SULF1: variants seen among roughly 807,000 people sequenced by gnomAD.
SULF1 encodes the protein sulfatase 1.
Under a neutral mutation model 110.5 loss-of-function variants are expected in SULF1, and 46 were observed. The ratio of observed to expected loss-of-function variants is 0.42; its 90% CI spans 0.33 to 0.53. The LOEUF is 0.53. SULF1 is among the 20% of genes least tolerant of loss of function. The pLI is 0.12. For synonymous variants in SULF1, 371 were observed against 387.1 expected (o/e 0.96, Z 0.49); for missense variants, 941 against 1,094.2 (o/e 0.86, Z 1.98).
At chr8:69,500,440 C>T (rs889220638) in intron 2 of SULF1, among the ~76,000 whole-genome samples, 4 of 152,196 alleles carry the variant, frequency 2.6e-5, no homozygotes, top group African/African-American at 7.2e-5. Context: ...GACTCAGCTG[C>T]CCGGTAGCAT....
chr8:69,623,740 C>G (rs1014682349), intron 14 of SULF1, among the ~76,000 whole-genome samples: 5 of 100,240 alleles, frequency 5.0e-5, no homozygotes, highest in African/African-American at 1.4e-4. Context: ...GGCAATGGCA[C>G]TGCCAGGCAA....
At chr8:69,470,753 T>A (rs1457460565) in intron 1 of SULF1, among the ~76,000 whole-genome samples, 1 of 152,154 alleles carries the variant, frequency 6.6e-6, no homozygotes, top group Non-Finnish European at 1.5e-5. Flanking sequence ...TAAAATGAAT[T>A]TCAGTCCTAT....
At chr8:69,525,733 A>T (rs1020657083) in intron 3 of SULF1, among the ~76,000 whole-genome samples, 4 of 152,140 alleles carry the variant, frequency 2.6e-5, no homozygotes, top group Non-Finnish European at 5.9e-5. Flanking sequence ...CATGTGCAGG[A>T]TATTGTCTAG....
chr8:69,646,938 A>ATTTTTTTTTTTTTTTTTTTTT (rs532105097), intron 22 of SULF1, among the ~76,000 whole-genome samples: 1 of 97,740 alleles, frequency 1.0e-5, no homozygotes. Flanking sequence ...GAGCCCTGGA[A>ATTTTTTTTTTTTTTTTTTTTT]TTTTTTTTTT....
rs1078494 is a variant in SULF1, at chr8:69,600,458, T to G, written c.735-145T>G. On this transcript the variant is annotated intron_variant, in intron 8 of 22. Coordinates refer to ENST00000402687, the MANE Select transcript of SULF1 (RefSeq NM_001128205.2). ...GGTGAAGACTTCATCTTCTTATAAATGCAAACAGAAGATAGTTGGAAGAGG... is the reference window on the plus strand; with the variant it reads ...GGTGAAGACTTCATCTTCTTATAAAGGCAAACAGAAGATAGTTGGAAGAGG... 163,240 of 710,050 alleles carry G rather than the reference T, an allele frequency of 0.23. 21,676 individuals carry two copies. The highest frequency in any genetic ancestry group is 0.45 in the African/African-American group (25,165 of 56,372). The allele number at this position is 710,050 out of a possible 1,614,324, so 44.0% of individuals were successfully genotyped here. A position where few individuals can be genotyped will look rare whatever the true frequency, so the allele number is the denominator to read the frequency against.
intron 1 of SULF1, among the ~76,000 whole-genome samples, chr8:69,475,647 G>A (rs1809272099): frequency 6.6e-6 from 1 of 152,102 alleles, no homozygotes; most frequent in South Asian, 2.1e-4. Context: ...TTCCCAAAGT[G>A]ACAATGGTCA....
upstream of SULF1, among the ~76,000 whole-genome samples, chr8:69,492,299 C>T (rs376793163): frequency 1.1e-4 from 17 of 151,946 alleles, no homozygotes; most frequent in African/African-American, 4.1e-4. Context: ...CCGTTTATTG[C>T]TCCCACAGAG....
At chr8:69,469,948 A>G (rs2150528589) in intron 1 of SULF1, among the ~76,000 whole-genome samples, 1 of 152,332 alleles carries the variant, frequency 6.6e-6, no homozygotes, top group East Asian at 1.9e-4. Flanking sequence ...AGTCTGAGGC[A>G]GGAGAATTGC....
chr8:69,538,275 C>CTTTTTTT (rs33972358), intron 3 of SULF1, among the ~76,000 whole-genome samples: 4,398 of 130,892 alleles, frequency 0.034, 346 homozygotes, highest in African/African-American at 0.096. Flanking sequence ...TTTCTGTTGC[C>CTTTTTTT]TTTTTTTTTT....
intron 22 of SULF1, chr8:69,641,087 T>C: frequency 2.6e-6 from 1 of 379,840 alleles, no homozygotes; most frequent in Non-Finnish European, 4.7e-6. Context: ...TGTTTGCTTG[T>C]TGGATGATGC....
At chr8:69,568,058 T>C (rs1160060424) in intron 5 of SULF1, among the ~76,000 whole-genome samples, 1 of 152,228 alleles carries the variant, frequency 6.6e-6, no homozygotes, top group Non-Finnish European at 1.5e-5. Context: ...TGTTATCTCA[T>C]TGTCACTTTG....
intron 3 of SULF1, among the ~76,000 whole-genome samples, chr8:69,519,560 C>T (rs1228957553): frequency 1.3e-5 from 2 of 151,976 alleles, no homozygotes; most frequent in African/African-American, 4.8e-5. Flanking sequence ...ATGCCAGTGT[C>T]CAGAAGCAAA....
At position 69,601,665 on chromosome 8, in the gene SULF1, G is replaced by A; in HGVS notation, c.897G>A (p.Met299Ile). ...VDDSVERLYNMLVETGELENT... is the reference protein window; with the variant it reads ...VDDSVERLYNILVETGELENT... ...TTGCTGTATTTCAGCTGTATAACAT[G>A]CTCGTGGAGACGGGGGAGCTGGAGA... The change falls in exon 10 of 23, where the codon ATG becomes ATA. Residue 299 changes from methionine (M) to isoleucine (I), a missense_variant. This residue lies in a region of SULF1 where 822 missense variants were observed against 934.3 expected (regional missense o/e 0.88). Transcript: ENST00000402687. 1 of 1,610,138 alleles carries A rather than the reference G, an allele frequency of 6.2e-7. No homozygotes were observed. The highest frequency in any genetic ancestry group is 8.5e-7 in the Non-Finnish European group (1 of 1,178,126).
chr8:69,478,484 T>C (rs1314259492), intron 1 of SULF1, among the ~76,000 whole-genome samples: 1 of 152,198 alleles, frequency 6.6e-6, no homozygotes, highest in African/African-American at 2.4e-5. Context: ...CAACATGTCC[T>C]GAATTTACAT....
In SULF1 at chr8:69,516,017, A is replaced by G. The variant is rs147471616; in HGVS notation, c.-134+14049A>G. ...TCAGCAAGTCTCCAGGAAGTTCCAA[A>G]CTTTCACTAATTTTCCTGTCTTCTT... On this transcript the variant is annotated intron_variant, in intron 3 of 22. Transcript: ENST00000402687. Among the ~76,000 whole-genome samples, 165 of 152,258 alleles carry G rather than the reference A, an allele frequency of 1.1e-3. 1 individual carries two copies. The highest frequency in any genetic ancestry group is 3.9e-3 in the African/African-American group (161 of 41,552).
At chr8:69,653,058 G>C (rs1812468450) in intron 22 of SULF1, among the ~76,000 whole-genome samples, 1 of 152,078 alleles carries the variant, frequency 6.6e-6, no homozygotes, top group Non-Finnish European at 1.5e-5. Flanking sequence ...ACTGAGGTCT[G>C]CAAAGTAGTC....
Position 69,593,617 on chromosome 8 carries a change from G to T in SULF1, c.734+4476G>T, listed in dbSNP as rs538407440. ...CTATTGGCCTGTTAGCTTTACAAACGGATGGTAGAGCTTATGCTTACCAAG... is the reference window on the plus strand; with the variant it reads ...CTATTGGCCTGTTAGCTTTACAAACTGATGGTAGAGCTTATGCTTACCAAG... On this transcript the variant is annotated intron_variant, in intron 8 of 22. Transcript: ENST00000402687. Among the ~76,000 whole-genome samples the T allele has an allele frequency of 3.3e-5, 5 of 152,240 alleles. No individual in the cohort carries two copies. In the South Asian group the frequency reaches 1.0e-3, roughly 32 times the overall value.
intron 1 of SULF1, among the ~76,000 whole-genome samples, chr8:69,485,051 A>G (rs1323079555): frequency 6.6e-6 from 1 of 152,026 alleles, no homozygotes; most frequent in African/African-American, 2.4e-5. Flanking sequence ...CTGAGCAATG[A>G]CTCAGGAAGG....
At position 69,600,526 on chromosome 8, in the gene SULF1, A is replaced by G. The variant is rs2130385109; in HGVS notation, c.735-77A>G. On this transcript the variant is annotated intron_variant, in intron 8 of 22. Transcript: ENST00000402687. ...TCTCAATTATCTCTCCTTAATGATT[A>G]TTTCACAACCTCGAGATATTTTCCT... 3 of 1,385,630 alleles carry G rather than the reference A, an allele frequency of 2.2e-6. No homozygotes were observed. The African/African-American group carries it at 4.3e-5, about 20-fold the overall frequency. The allele number at this position is 1,385,630 out of a possible 1,614,324, so 85.8% of individuals were successfully genotyped here.
Sources: allele counts gnomAD v4.1 joint callset (sites outside exome capture counted in the v4.1 genomes callset), GRCh38; gene constraint gnomAD v4.1.1; regional missense constraint gnomAD v4.1.1; transcripts MANE v1.5; gene names NCBI Gene and HGNC (gene_info 2026-07-23, HGNC 2026-07-21).